The following KCNQ5 variants were observed in gnomAD, a reference collection of about 807,000 sequenced individuals.
The protein encoded by KCNQ5 is potassium voltage-gated channel subfamily KQT member 5.
In KCNQ5, 30 loss-of-function variants were observed where a neutral mutation model predicts 98.2. That is an observed-to-expected ratio of 0.31 (90% CI 0.23 to 0.41). The LOEUF (loss-of-function observed/expected upper bound fraction) is 0.41, where lower values mean the gene tolerates loss of function less well. Ranked by LOEUF, KCNQ5 falls within the 10% of genes least tolerant of loss-of-function variation. The probability of loss-of-function intolerance (pLI) is 1.00; values close to 1 mark genes in which losing one functional copy is unlikely to be tolerated. For synonymous variants in KCNQ5, 458 were observed against 449.4 expected, an observed-to-expected ratio of 1.02 and a Z score of -0.24; for missense variants, 835 against 1,182.5, an observed-to-expected ratio of 0.71 and a Z score of 4.31.
At chr6:72,712,474 T>C (rs1386897819) in intron 1 of KCNQ5, among the ~76,000 whole-genome samples, 1 of 152,240 alleles carries the variant, frequency 6.6e-6, no homozygotes, top group East Asian at 1.9e-4. Flanking sequence ...GTCACTGTTG[T>C]CAATCTTTGA....
intron 7 of KCNQ5, among the ~76,000 whole-genome samples, chr6:73,114,860 A>C (rs1415210847): frequency 1.3e-5 from 2 of 152,216 alleles, no homozygotes; most frequent in African/African-American, 4.8e-5. Context: ...CAACTGACCC[A>C]AAAGAAAAAT....
chr6:72,827,472 A>G (rs1454471340), intron 1 of KCNQ5, among the ~76,000 whole-genome samples: 1 of 152,214 alleles, frequency 6.6e-6, no homozygotes, highest in African/African-American at 2.4e-5. Flanking sequence ...CATTTTCCTG[A>G]TGATTAGTGA....
At chr6:72,884,700 T>A (rs927566497) in intron 1 of KCNQ5, among the ~76,000 whole-genome samples, 17 of 152,196 alleles carry the variant, frequency 1.1e-4, no homozygotes, top group Admixed American at 3.3e-4. Context: ...CACTGCAACT[T>A]CAGCCTCCTG....
At chr6:73,063,683 AGAT>A (rs776921077) in intron 3 of KCNQ5, among the ~76,000 whole-genome samples, 6,544 of 74,146 alleles carry the variant, frequency 0.088, 290 homozygotes, top group African/African-American at 0.14. Context: ...ATAGATAGAT[AGAT>A]GATAGATAGA....
chr6:72,853,364 G>A (rs1238156906), intron 1 of KCNQ5, among the ~76,000 whole-genome samples: 1 of 152,124 alleles, frequency 6.6e-6, no homozygotes, highest in Admixed American at 6.5e-5. Flanking sequence ...CTGCGGGGGA[G>A]ACAGTATCTC....
At chr6:73,135,520 TC>T (rs1776434937) in intron 10 of KCNQ5, 1 of 151,236 alleles carries the variant, frequency 6.6e-6, no homozygotes, top group Non-Finnish European at 1.5e-5. Flanking sequence ...CACACTGCCC[TC>T]TCCCCTGCCC....
At chr6:73,055,849 A>G in intron 3 of KCNQ5, 1 of 688,430 alleles carries the variant, frequency 1.5e-6, no homozygotes, top group Non-Finnish European at 2.7e-6. Flanking sequence ...GGGCAAAGCC[A>G]AGAAGTGAAG....
At chr6:73,023,472 G>C (rs1473619667) in intron 2 of KCNQ5, among the ~76,000 whole-genome samples, 2 of 152,048 alleles carry the variant, frequency 1.3e-5, no homozygotes, top group African/African-American at 4.8e-5. Flanking sequence ...CTCGTGAGGT[G>C]GAGAGTGAAA....
intron 1 of KCNQ5, among the ~76,000 whole-genome samples, chr6:72,695,757 A>T (rs938962228): frequency 1.3e-5 from 2 of 152,152 alleles, no homozygotes; most frequent in African/African-American, 2.4e-5. Flanking sequence ...AAATTGTTTC[A>T]TTCAAAAATA....
intron 1 of KCNQ5, among the ~76,000 whole-genome samples, chr6:72,933,951 A>C (rs1765792226): frequency 6.6e-6 from 1 of 152,326 alleles, no homozygotes; most frequent in South Asian, 2.1e-4. Flanking sequence ...TAATTAAACA[A>C]GTAAACAAAT....
Position 73,077,882 on chromosome 6 carries a change from G to A in KCNQ5, c.913G>A (p.Gly305Ser), listed in dbSNP as rs1398091795. The A allele has an allele frequency of 6.3e-7, 1 of 1,590,790 alleles. No homozygotes were observed. Among genetic ancestry groups the A allele is most frequent in the East Asian group, 2.2e-5 (1 of 44,650 alleles). Reference sequence around the variant, plus strand: ...TACATATGCAGATGCTCTCTGGTGGGGCACAGTAAGTATAAAAATACATTT... The same window carrying A: ...TACATATGCAGATGCTCTCTGGTGGAGCACAGTAAGTATAAAAATACATTT... ...FSTYADALWW[G>S]TITLTTIGYG... is the part of the protein sequence containing the mutation. Residue 305 changes from glycine (G) to serine (S), a missense_variant, in exon 5 of 14, where the codon GGC becomes AGC. Transcript: ENST00000370398.
intron 1 of KCNQ5, among the ~76,000 whole-genome samples, chr6:72,982,826 G>A (rs1768537538): frequency 6.6e-6 from 1 of 152,160 alleles, no homozygotes; most frequent in African/African-American, 2.4e-5. Flanking sequence ...TGCTTTCCAT[G>A]TTTAGTGCTT....
intron 1 of KCNQ5, among the ~76,000 whole-genome samples, chr6:72,648,785 TTTTTTA>T (rs1765731494): frequency 7.3e-6 from 1 of 137,264 alleles, no homozygotes. Flanking sequence ...TTTTTTTTTT[TTTTTTA>T]ATTCTCAGAG....
At chr6:72,694,296 C>A (rs1206619741) in intron 1 of KCNQ5, among the ~76,000 whole-genome samples, 1 of 152,130 alleles carries the variant, frequency 6.6e-6, no homozygotes, top group Admixed American at 6.6e-5. Context: ...GTTGTGCCCC[C>A]CTGTGGCTGG....
chr6:72,836,011 T>C (rs539514853), intron 1 of KCNQ5, among the ~76,000 whole-genome samples: 2 of 152,316 alleles, frequency 1.3e-5, no homozygotes, highest in South Asian at 4.1e-4. Context: ...TGCTACAAAT[T>C]AGGGTTTTGT....
chr6:73,083,110 T>G (rs1773848108), intron 5 of KCNQ5, among the ~76,000 whole-genome samples: 1 of 152,106 alleles, frequency 6.6e-6, no homozygotes, highest in Non-Finnish European at 1.5e-5. Context: ...CCCAGGCTGG[T>G]CTCAAACTCC....
At chr6:72,950,986 G>T (rs926806591) in intron 1 of KCNQ5, among the ~76,000 whole-genome samples, 5 of 151,974 alleles carry the variant, frequency 3.3e-5, no homozygotes, top group African/African-American at 1.2e-4. Context: ...TTTTGTTACT[G>T]CTGCTTAGAG....
At chr6:73,055,932 C>A in intron 3 of KCNQ5, 2 of 445,544 alleles carry the variant, frequency 4.5e-6, no homozygotes, top group Non-Finnish European at 4.3e-6. Flanking sequence ...ACACTGACCA[C>A]ATCTATAGAC....
intron 11 of KCNQ5, among the ~76,000 whole-genome samples, chr6:73,172,402 A>C: frequency 6.6e-6 from 1 of 152,226 alleles, no homozygotes; most frequent in Non-Finnish European, 1.5e-5. Flanking sequence ...AATTAAATTA[A>C]CAGATTCTGT....
Sources: allele counts gnomAD v4.1 joint callset (sites outside exome capture counted in the v4.1 genomes callset), GRCh38; gene constraint gnomAD v4.1.1; transcripts MANE v1.5; gene names NCBI Gene and HGNC (gene_info 2026-07-23, HGNC 2026-07-21).